COMMD10: variants seen among roughly 807,000 people sequenced by gnomAD.
The protein encoded by COMMD10 is COMM domain containing 10.
In COMMD10, 33 loss-of-function variants were observed where a neutral mutation model predicts 28.9. That is an observed-to-expected ratio of 1.14 (90% CI 0.87 to 1.53). The LOEUF is 1.53. COMMD10 is among the 40% of genes most tolerant of loss of function. COMMD10 has a pLI of 0.00. For missense variants in COMMD10, 310 were observed against 233.4 expected (o/e 1.33, Z -2.14); for synonymous variants, 110 against 81.7 (o/e 1.35, Z -1.87).
chr5:116,247,662 G>T lies in COMMD10; in HGVS notation c.511-43855G>T, dbSNP rs1427100274. ...AAGAACGAGATCATATCCTTTGCAG[G>T]GACATGGATGGAGCTGGAGGCCATT... On this transcript the variant is annotated intron_variant, in intron 5 of 6. Transcript: ENST00000274458. Among the ~76,000 whole-genome samples, 5 of 151,994 alleles carry T rather than the reference G, an allele frequency of 3.3e-5. No homozygotes were observed. The East Asian group carries it at 9.6e-4, about 29-fold the overall frequency.
chr5:116,093,696 A>C (rs1373418287), intron 4 of COMMD10, among the ~76,000 whole-genome samples: 2 of 152,220 alleles, frequency 1.3e-5, no homozygotes, highest in African/African-American at 4.8e-5. Context: ...GTATGAAACC[A>C]AAAGAGAACC....
chr5:116,232,369 T>G (rs1749549389), intron 5 of COMMD10, among the ~76,000 whole-genome samples: 1 of 151,646 alleles, frequency 6.6e-6, no homozygotes, highest in African/African-American at 2.4e-5. Flanking sequence ...GCTTTTAAAT[T>G]GAAATATCAA....
intron 4 of COMMD10, among the ~76,000 whole-genome samples, chr5:116,096,556 C>G (rs1184595731): frequency 1.3e-5 from 2 of 151,928 alleles, no homozygotes; most frequent in Non-Finnish European, 2.9e-5. Context: ...TTATTTCTTC[C>G]TTTTCAATCT....
chr5:116,163,641 T>G (rs575508344), intron 5 of COMMD10, among the ~76,000 whole-genome samples: 1 of 152,158 alleles, frequency 6.6e-6, no homozygotes, highest in South Asian at 2.1e-4. Flanking sequence ...ACAAGGAAAC[T>G]ATCTTGATGA....
intron 5 of COMMD10, among the ~76,000 whole-genome samples, chr5:116,159,293 C>T (rs1752840916): frequency 6.6e-6 from 1 of 152,130 alleles, no homozygotes; most frequent in Non-Finnish European, 1.5e-5. Flanking sequence ...TAGAAGTTGC[C>T]TTGTTTTTCC....
intron 5 of COMMD10, among the ~76,000 whole-genome samples, chr5:116,192,434 A>G (rs1250786764): frequency 6.6e-6 from 1 of 152,128 alleles, no homozygotes; most frequent in Non-Finnish European, 1.5e-5. Flanking sequence ...CAAGAAGTGA[A>G]GGGGGAAATA....
At chr5:116,086,678 T>G (rs965456154) in intron 1 of COMMD10, among the ~76,000 whole-genome samples, 15 of 152,210 alleles carry the variant, frequency 9.9e-5, no homozygotes, top group African/African-American at 3.6e-4. Flanking sequence ...TAGGCTGGTC[T>G]GGAACTCCTG....
At chr5:116,290,845 T>G (rs553065953) in intron 5 of COMMD10, among the ~76,000 whole-genome samples, 63 of 152,270 alleles carry the variant, frequency 4.1e-4, no homozygotes, top group Non-Finnish European at 3.7e-4. Flanking sequence ...TGGATTGAGT[T>G]GAGTTGGGTT....
chr5:116,284,042 C>G (rs1450054927), intron 5 of COMMD10, among the ~76,000 whole-genome samples: 1 of 149,250 alleles, frequency 6.7e-6, no homozygotes, highest in Non-Finnish European at 1.5e-5. Flanking sequence ...GCAGGAGGTT[C>G]GTTTACACCC....
At position 116,168,159 on chromosome 5, in the gene COMMD10, A is replaced by C. The variant is rs1395014794; in HGVS notation, c.510+33981A>C. ...AATATTTACAAAGAAAATGGAAAGC[A>C]AAAAAAAAAAAAAAAGGGATTGCAG... On this transcript the variant is annotated intron_variant, in intron 5 of 6. Coordinates refer to ENST00000274458, the MANE Select transcript of COMMD10 (RefSeq NM_016144.4). 3.2e-4 allele frequency among the ~76,000 whole-genome samples: 7 copies of C among 21,648 alleles called. No individual in the cohort carries two copies. In the Admixed American group the frequency reaches 3.5e-3, roughly 11 times the overall value. 14.2% of individuals were successfully genotyped at this position (21,648 alleles called of 152,430 possible).
chr5:116,172,326 G>A (rs891285151), intron 5 of COMMD10, among the ~76,000 whole-genome samples: 1 of 152,076 alleles, frequency 6.6e-6, no homozygotes, highest in Admixed American at 6.6e-5. Flanking sequence ...TAGGAGGGAA[G>A]GAGTACTCAG....
intron 5 of COMMD10, among the ~76,000 whole-genome samples, chr5:116,241,330 A>T (rs1178995890): frequency 6.6e-6 from 1 of 152,170 alleles, no homozygotes; most frequent in South Asian, 2.1e-4. Flanking sequence ...GCAAAATCAA[A>T]ACAGCTTATT....
chr5:116,136,624 A>T (rs1752031863), intron 5 of COMMD10, among the ~76,000 whole-genome samples: 1 of 152,132 alleles, frequency 6.6e-6, no homozygotes, highest in African/African-American at 2.4e-5. Context: ...TAATGCTTCT[A>T]GTAAGACAGC....
chr5:116,237,759 C>G (rs906838196), intron 5 of COMMD10, among the ~76,000 whole-genome samples: 4 of 152,146 alleles, frequency 2.6e-5, no homozygotes, highest in African/African-American at 9.7e-5. Context: ...GAGCAAAGCT[C>G]ATAAAATGCA....
chr5:116,266,173 T>A (rs1297884863), intron 5 of COMMD10, among the ~76,000 whole-genome samples: 1 of 151,674 alleles, frequency 6.6e-6, no homozygotes, highest in African/African-American at 2.4e-5. Flanking sequence ...GGCATTGTTT[T>A]CAGGAAAATG....
chr5:116,264,011 A>G (rs533035645), intron 5 of COMMD10, among the ~76,000 whole-genome samples: 33 of 151,920 alleles, frequency 2.2e-4, no homozygotes, highest in South Asian at 4.1e-4. Context: ...TACTTCCTGA[A>G]AAGATTAAGA....
chr5:116,215,806 A>G (rs1331519384), intron 5 of COMMD10, among the ~76,000 whole-genome samples: 1 of 149,980 alleles, frequency 6.7e-6, no homozygotes, highest in Non-Finnish European at 1.5e-5. Context: ...ATTTGTTTAT[A>G]CTTTTAATAT....
At chr5:116,088,420 T>A (rs1750185413) in intron 2 of COMMD10, among the ~76,000 whole-genome samples, 4 of 152,124 alleles carry the variant, frequency 2.6e-5, no homozygotes, top group African/African-American at 9.6e-5. Context: ...TACTGCTTCA[T>A]AATACTATGT....
At chr5:116,276,315 C>T (rs1750911185) in intron 5 of COMMD10, among the ~76,000 whole-genome samples, 1 of 151,672 alleles carries the variant, frequency 6.6e-6, no homozygotes, top group African/African-American at 2.4e-5. Flanking sequence ...TGCAATGGCA[C>T]TATCTCAACT....
Sources: gnomAD v4.1 joint callset for allele counts (sites outside exome capture counted in the v4.1 genomes callset) on GRCh38, gnomAD v4.1.1 for gene constraint, MANE v1.5 for transcripts, NCBI Gene and HGNC (gene_info 2026-07-23, HGNC 2026-07-21) for gene names.